The following CACNA1H variants were observed in gnomAD, a reference collection of about 807,000 sequenced individuals.
The protein encoded by CACNA1H is voltage-dependent T-type calcium channel subunit alpha-1H.
A neutral mutation model predicts 192.5 loss-of-function variants in CACNA1H; 149 were observed. That is an observed-to-expected ratio of 0.77 (90% CI 0.68 to 0.89). The LOEUF (loss-of-function observed/expected upper bound fraction) is 0.89, where lower values mean the gene tolerates loss of function less well. Among genes scored for constraint, CACNA1H ranks in the 40% least tolerant of loss-of-function variants. The pLI is 0.00. For synonymous variants in CACNA1H, 2,202 were observed against 1,475.2 expected, an observed-to-expected ratio of 1.49 and a Z score of -11.29; for missense variants, 4,257 against 3,423.5, an observed-to-expected ratio of 1.24 and a Z score of -6.08.
chr16:1,211,351 C>T, intron 22 of CACNA1H, 57 bp downstream of exon 22: 1 of 1,609,158 alleles, frequency 6.2e-7, no homozygotes, highest in Non-Finnish European at 8.5e-7. Flanking sequence ...GTCTGCCTTC[C>T]CAGCGTGGCT....
chr16:1,218,769 G>A (rs1970240886), intron 33 of CACNA1H, 118 bp downstream of exon 33: 21 of 1,200,828 alleles, frequency 1.7e-5, no homozygotes, highest in Non-Finnish European at 2.4e-5. Context: ...AGGATGGGCG[G>A]GAAGGAGGAT....
In CACNA1H at chr16:1,211,266, T is replaced by C. The variant is rs1373957739; in HGVS notation, c.4322T>C (p.Phe1441Ser). 6.2e-7 allele frequency: 1 copy of C among 1,613,088 alleles called. No individual in the cohort carries two copies. The highest frequency in any genetic ancestry group is 1.1e-5 in the South Asian group (1 of 91,080). The change falls in exon 22 of 35, where the codon TTC becomes TCC. Residue 1441 changes from phenylalanine (F) to serine (S), a missense_variant. Coordinates refer to ENST00000348261, the MANE Select transcript of CACNA1H (RefSeq NM_021098.3). ...GNIVLICCAF[F>S]IIFGILGVQL... ...ATCGTCCTCATCTGCTGCGCCTTCT[T>C]CATCATTTTTGGCATTTTGGGTGTG...
chr16:1,214,887 G>A (rs911352428), intron 27 of CACNA1H, 85 bp from the exon 28 acceptor site: 49 of 1,017,610 alleles, frequency 4.8e-5, no homozygotes, highest in Non-Finnish European at 7.0e-5. Flanking sequence ...CGGCCAGCGG[G>A]GGCACTCGGG....
chr16:1,204,551 C>A, intron 10 of CACNA1H, 93 bp downstream of exon 10: 1 of 999,142 alleles, frequency 1.0e-6, no homozygotes, highest in Non-Finnish European at 1.5e-6. Context: ...GATGCCTGAC[C>A]TGATGGTAGG....
At position 1,206,150 on chromosome 16, in the gene CACNA1H, C is replaced by A. The variant is rs762653776; in HGVS notation, c.2650C>A (p.Arg884Ser). The A allele has an allele frequency of 1.3e-6, 2 of 1,586,036 alleles. No individual in the cohort carries two copies. Among genetic ancestry groups the A allele is most frequent in the South Asian group, 1.2e-5 (1 of 86,464 alleles). Residue 884 changes from arginine (R) to serine (S), a missense_variant, in exon 12 of 35, where the codon CGC (arginine) becomes AGC (serine). Coordinates refer to ENST00000348261, the MANE Select transcript of CACNA1H (RefSeq NM_021098.3). ...GGCGGACGGTGGCTTGTCTGTGCTG[C>A]GCACCTTCCGGCTGCTGCGTGTGCT... Reference protein sequence around the residue: ...GQADGGLSVLRTFRLLRVLKL... With the variant: ...GQADGGLSVLSTFRLLRVLKL...
intron 9 of CACNA1H, 150 bp from the exon 10 acceptor site, chr16:1,203,860 A>G (rs1435757941): frequency 1.7e-6 from 1 of 605,872 alleles, no homozygotes; most frequent in African/African-American, 1.9e-5. Context: ...GCTTTCTGTG[A>G]AGTCCAGTCA....
At chr16:1,188,614 A>ACGCCCG (rs1243687183) in intron 2 of CACNA1H, among the ~76,000 whole-genome samples, 2 of 152,154 alleles carry the variant, frequency 1.3e-5, no homozygotes, top group African/African-American at 2.4e-5. Flanking sequence ...GGGGCTGCCC[A>ACGCCCG]CGCCCGCGCC....
chr16:1,207,298 C>A lies in CACNA1H; in HGVS notation c.2931C>A (p.Asn977Lys). The change falls in exon 14 of 35, where the codon AAC (asparagine) becomes AAA (lysine). Residue 977 changes from asparagine (N) to lysine (K), a missense_variant. Coordinates refer to ENST00000348261, the MANE Select transcript of CACNA1H (RefSeq NM_021098.3). ...VFQILTQEDW[N>K]VVLYNGMAST... ...AGATCCTGACCCAGGAGGACTGGAA[C>A]GTGGTCCTGTACAACGGCATGGCCT... 1 of 1,610,272 alleles carries A rather than the reference C, an allele frequency of 6.2e-7. No individual in the cohort carries two copies. Among genetic ancestry groups the A allele is most frequent in the Non-Finnish European group, 8.5e-7 (1 of 1,178,386 alleles).
Position 1,190,670 on chromosome 16 carries a change from C to T in CACNA1H, c.300-4302C>T, listed in dbSNP as rs573879452. On this transcript the variant is annotated intron_variant, in intron 2 of 34. Transcript: ENST00000348261. ...TTGGGGCCCCCCAGACCCTGCTATA[C>T]CACCGTCCCCTCCAGAGCTGCCCCA... Among the ~76,000 whole-genome samples, 5 of 152,376 alleles carry T rather than the reference C, an allele frequency of 3.3e-5. No individual in the cohort carries two copies. In the South Asian group the frequency reaches 1.0e-3, roughly 32 times the overall value.
rs1388783364 is a variant in CACNA1H, at chr16:1,202,462, C to T, written c.2002+10C>T. The T allele has an allele frequency of 1.4e-6, 2 of 1,473,348 alleles. No individual in the cohort carries two copies. Among genetic ancestry groups the T allele is most frequent in the African/African-American group, 2.8e-5 (2 of 71,282 alleles). 91.3% of individuals were successfully genotyped at this position (1,473,348 alleles called of 1,614,324 possible). On this transcript the variant is annotated intron_variant, in intron 9 of 34. Coordinates refer to ENST00000348261, the MANE Select transcript of CACNA1H (RefSeq NM_021098.3). ...GTGGTCGGGGAGCATGGTGAGGACC[C>T]AGCCCCACCCCACGGAGGAGGCGGT...
chr16:1,185,667 GGAGGCGGGGTGTGTAC>G (rs1965948190), intron 2 of CACNA1H, among the ~76,000 whole-genome samples: 8 of 135,434 alleles, frequency 5.9e-5, no homozygotes, highest in South Asian at 2.5e-4. Flanking sequence ...CATAGGGGCC[GGAGGCGGGGTGTGTAC>G]GGGGCGGGTG....
intron 2 of CACNA1H, among the ~76,000 whole-genome samples, chr16:1,160,415 G>A (rs990620425): frequency 2.0e-5 from 3 of 152,180 alleles, no homozygotes; most frequent in Non-Finnish European, 2.9e-5. Context: ...AGTGATGGAC[G>A]GCCGCCTCGG....
In CACNA1H at chr16:1,220,997, C is replaced by A. The variant is rs752537759; in HGVS notation, c.*3C>A. On this transcript the variant is annotated 3_prime_UTR_variant, in exon 35 of 35. Transcript: ENST00000348261. ...GTGGTGCAGATGACCCCGTGTAGCTCGGGGCTTGGTGCCGCCCACGGCTTT... is the reference window on the plus strand; with the variant it reads ...GTGGTGCAGATGACCCCGTGTAGCTAGGGGCTTGGTGCCGCCCACGGCTTT... 14 of 1,563,768 alleles carry A rather than the reference C, an allele frequency of 9.0e-6. No homozygotes were observed. The highest frequency in any genetic ancestry group is 1.2e-5 in the Non-Finnish European group (14 of 1,157,844).
chr16:1,198,427 TAGG>T lies in CACNA1H; in HGVS notation c.644-184_644-182del, dbSNP rs929977025. ...CAGTGTCCCTGGAGGCCGGTGGTGGTAGGAGGGGAGTCCCGATCACACTAGGGG... is the reference window on the plus strand; with the variant it reads ...CAGTGTCCCTGGAGGCCGGTGGTGGTAGGGGAGTCCCGATCACACTAGGGG... On this transcript the variant is annotated intron_variant, in intron 5 of 34. Transcript: ENST00000348261. Among the ~76,000 whole-genome samples the T allele has an allele frequency of 5.7e-4, 86 of 151,906 alleles. 2 individuals carry two copies. The highest frequency in any genetic ancestry group is 5.0e-3 in the Admixed American group (76 of 15,286).
rs59079584 is a variant in CACNA1H, at chr16:1,202,416, C to T, written c.1966C>T (p.Pro656Ser). ...HGPLSLNSPDPYEKIPHVVGE... is the reference protein window; with the variant it reads ...HGPLSLNSPDSYEKIPHVVGE... ...CCCGTTGAGCTTGAACAGCCCTGAT[C>T]CCTACGAGAAGATCCCGCATGTGGT... is the stretch of plus-strand genomic sequence containing the variant. The change falls in exon 9 of 35, where the codon CCC (proline) becomes TCC (serine). Residue 656 changes from proline to serine, a missense_variant. Coordinates refer to ENST00000348261, the MANE Select transcript of CACNA1H (RefSeq NM_021098.3). 1,969 of 1,523,146 alleles carry T rather than the reference C, an allele frequency of 1.3e-3. 21 individuals are homozygous for T. In the African/African-American group the frequency reaches 0.021, roughly 16 times the overall value. The allele number at this position is 1,523,146 out of a possible 1,614,324, so 94.4% of individuals were successfully genotyped here.
chr16:1,219,931 C>T (rs2141405447), intron 34 of CACNA1H, 50 bp from the exon 35 acceptor site: 10 of 1,251,934 alleles, frequency 8.0e-6, no homozygotes, highest in Non-Finnish European at 1.0e-5. Flanking sequence ...TGGCCACTGA[C>T]AGGGCTCTCC....
chr16:1,220,099 A>G lies in CACNA1H; in HGVS notation c.6167A>G (p.Gln2056Arg). The change falls in exon 35 of 35, where the codon CAG becomes CGG. Residue 2056 changes from glutamine to arginine, a missense_variant. Gln to Arg is a conservative substitution (Grantham distance 43). Coordinates refer to ENST00000348261, the MANE Select transcript of CACNA1H (RefSeq NM_021098.3). ...VRPVTQGGSL[Q>R]SPPRSPRPAS... is the part of the protein sequence containing the mutation. ...CCGGTGACCCAGGGGGGCTCCCTGC[A>G]GTCCCCACCACGCTCCCCACGGCCC... 1 of 1,476,334 alleles carries G rather than the reference A, an allele frequency of 6.8e-7. No homozygotes were observed. Among genetic ancestry groups the G allele is most frequent in the South Asian group, 1.5e-5 (1 of 67,492 alleles). 91.5% of individuals were successfully genotyped at this position (1,476,334 alleles called of 1,614,324 possible). A position where few individuals can be genotyped will look rare whatever the true frequency, so the allele number is the denominator to read the frequency against.
chr16:1,187,087 C>T (rs1034942644), intron 2 of CACNA1H, among the ~76,000 whole-genome samples: 4 of 152,268 alleles, frequency 2.6e-5, no homozygotes, highest in Non-Finnish European at 4.4e-5. Context: ...CCGTCCCCTC[C>T]GCACTGCGGG....
At chr16:1,202,949 C>T (rs781353845) in intron 9 of CACNA1H, among the ~76,000 whole-genome samples, 39 of 152,010 alleles carry the variant, frequency 2.6e-4, no homozygotes, top group East Asian at 1.4e-3. Context: ...TTCTCCTATG[C>T]GGGGCCTGGG....
Sources: allele counts gnomAD v4.1 joint callset (sites outside exome capture counted in the v4.1 genomes callset), GRCh38; gene constraint gnomAD v4.1.1; transcripts MANE v1.5; gene names NCBI Gene and HGNC (gene_info 2026-07-23, HGNC 2026-07-21).